LRP1B: variants seen among roughly 807,000 people sequenced by gnomAD.
LRP1B encodes LDL receptor related protein 1B.
In LRP1B, 217 loss-of-function variants were observed where a neutral mutation model predicts 556.6. That is an observed-to-expected ratio of 0.39 (90% CI 0.35 to 0.44). LRP1B has a LOEUF of 0.44. Among genes scored for constraint, LRP1B ranks in the 20% least tolerant of loss-of-function variants. The pLI, the probability that LRP1B is intolerant of heterozygous loss-of-function variation, is 1.00. For synonymous variants in LRP1B, 2,047 were observed against 1,865.8 expected, an observed-to-expected ratio of 1.10 and a Z score of -2.50; for missense variants, 5,053 against 5,620.8, an observed-to-expected ratio of 0.90 and a Z score of 3.23.
At chr2:140,375,219 TAC>T (rs1271550482) in intron 68 of LRP1B, among the ~76,000 whole-genome samples, 1 of 151,180 alleles carries the variant, frequency 6.6e-6, no homozygotes, top group Non-Finnish European at 1.5e-5. Context: ...TTTAATCCCT[TAC>T]AGTCGTTTTT....
At chr2:141,626,141 A>G (rs1688694550) in intron 2 of LRP1B, among the ~76,000 whole-genome samples, 1 of 152,186 alleles carries the variant, frequency 6.6e-6, no homozygotes, top group African/African-American at 2.4e-5. Context: ...ATTATAAGAG[A>G]TCCCAGAAGT....
intron 19 of LRP1B, among the ~76,000 whole-genome samples, chr2:140,951,192 C>A (rs955381547): frequency 4.6e-5 from 7 of 152,124 alleles, no homozygotes; most frequent in African/African-American, 1.7e-4. Flanking sequence ...TCCCCATTCT[C>A]CAACATGAGA....
intron 20 of LRP1B, among the ~76,000 whole-genome samples, chr2:140,943,925 G>A (rs1408440861): frequency 1.3e-5 from 2 of 151,940 alleles, no homozygotes; most frequent in East Asian, 3.9e-4. Context: ...AAAAATCAGA[G>A]CAGAACTAAA....
chr2:140,734,227 G>A (rs1687872792), intron 35 of LRP1B, among the ~76,000 whole-genome samples: 3 of 152,116 alleles, frequency 2.0e-5, no homozygotes, highest in African/African-American at 7.2e-5. Flanking sequence ...AAGAAGAAAT[G>A]CACATGAATA....
chr2:141,517,920 C>A (rs1026978852), intron 2 of LRP1B, among the ~76,000 whole-genome samples: 35 of 152,052 alleles, frequency 2.3e-4, no homozygotes, highest in Non-Finnish European at 5.9e-5. Flanking sequence ...GGTAAAAATT[C>A]TTTTTGATGG....
chr2:141,060,889 T>C lies in LRP1B; in HGVS notation c.1236+1162A>G, dbSNP rs142637341. The stretch of plus-strand genomic sequence containing the variant: ...TATTTAGTGGCAGACTTAGCATATG[T>C]TTAAGGAACAAGCAAAATACAGGCA... On this transcript the variant is annotated intron_variant, in intron 8 of 90. Coordinates refer to ENST00000389484, the MANE Select transcript of LRP1B (RefSeq NM_018557.3). 2.2e-3 allele frequency among the ~76,000 whole-genome samples: 328 copies of C among 151,746 alleles called. 1 individual carries two copies. Among genetic ancestry groups the C allele is most frequent in the African/African-American group, 7.2e-3 (300 of 41,472 alleles).
intron 2 of LRP1B, among the ~76,000 whole-genome samples, chr2:141,698,753 T>C (rs553472727): frequency 1.3e-5 from 2 of 151,724 alleles, no homozygotes; most frequent in African/African-American, 4.8e-5. Context: ...AAAAAGAGCT[T>C]AGGGCATTAA....
intron 17 of LRP1B, among the ~76,000 whole-genome samples, chr2:140,988,327 A>G (rs1448449551): frequency 1.3e-5 from 2 of 152,068 alleles, no homozygotes; most frequent in African/African-American, 4.8e-5. Context: ...TATGAGACAA[A>G]AAGATCTTGC....
rs184452517 is a variant in LRP1B at position 141,445,430 on chromosome 2, T to G, written c.343+34966A>C. 4.0e-3 allele frequency among the ~76,000 whole-genome samples: 608 copies of G among 152,360 alleles called. 6 individuals are homozygous for G. The highest frequency in any genetic ancestry group is 0.014 in the African/African-American group (586 of 41,586). ...TTTGTGTCTCTATCTCCTTCAGTTC[T>G]GCTCTGATCTTAGTTATTTCTTGTC... On this transcript the variant is annotated intron_variant, in intron 3 of 90. Coordinates refer to ENST00000389484, the MANE Select transcript of LRP1B (RefSeq NM_018557.3).
In LRP1B at chr2:140,989,532, C is replaced by T. The variant is rs781511939; in HGVS notation, c.2770G>A (p.Ala924Thr). The T allele has an allele frequency of 6.2e-7, 1 of 1,612,766 alleles. No homozygotes were observed. The highest frequency in any genetic ancestry group is 8.5e-7 in the Non-Finnish European group (1 of 1,179,166). Residue 924 changes from alanine to threonine, a missense_variant and splice_region_variant, in exon 17 of 91, where the codon GCC becomes ACC. Ala to Thr is a moderately conservative substitution (Grantham distance 58). This residue lies in a region of LRP1B where 3,619 missense variants were observed against 3,931.9 expected (regional missense o/e 0.92). Coordinates refer to ENST00000389484, the MANE Select transcript of LRP1B (RefSeq NM_018557.3). ...CGTGTATATCCAAGCAAACCTTTAC[C>T]TGTGCAAGTTTGATTGGATTCATCT... is the stretch of plus-strand genomic sequence containing the variant. ...NEDESNQTCTARTCQVDQFSC... is the reference protein window; with the variant it reads ...NEDESNQTCTTRTCQVDQFSC...
chr2:141,547,611 G>A (rs1434992051), intron 2 of LRP1B, among the ~76,000 whole-genome samples: 2 of 151,998 alleles, frequency 1.3e-5, no homozygotes, highest in Non-Finnish European at 2.9e-5. Flanking sequence ...AAAAACTACT[G>A]AGCATTTTTC....
intron 41 of LRP1B, among the ~76,000 whole-genome samples, chr2:140,670,025 G>A (rs1233440484): frequency 6.6e-6 from 1 of 151,996 alleles, no homozygotes; most frequent in African/African-American, 2.4e-5. Flanking sequence ...CTAAATTTGG[G>A]TCTGGACTCA....
chr2:140,611,028 GTTA>G (rs1286106265), intron 41 of LRP1B, among the ~76,000 whole-genome samples: 1 of 152,172 alleles, frequency 6.6e-6, no homozygotes, highest in East Asian at 1.9e-4. Context: ...CAGCATTGTT[GTTA>G]TTATTATTAC....
At chr2:141,632,425 G>T (rs929528834) in intron 2 of LRP1B, among the ~76,000 whole-genome samples, 11 of 152,092 alleles carry the variant, frequency 7.2e-5, no homozygotes, top group African/African-American at 2.4e-4. Context: ...TAATCTGTCA[G>T]TGAAGTATTA....
intron 2 of LRP1B, among the ~76,000 whole-genome samples, chr2:141,746,800 T>G (rs1157224823): frequency 6.6e-6 from 1 of 152,152 alleles, no homozygotes; most frequent in Non-Finnish European, 1.5e-5. Flanking sequence ...TAAGATTAAA[T>G]GTCATATTAA....
intron 7 of LRP1B, among the ~76,000 whole-genome samples, chr2:141,147,747 A>C (rs1701821592): frequency 6.6e-6 from 1 of 152,184 alleles, no homozygotes; most frequent in Non-Finnish European, 1.5e-5. Context: ...CAAATGAGCA[A>C]ATGGAGATAA....
intron 2 of LRP1B, among the ~76,000 whole-genome samples, chr2:141,757,899 C>T (rs145907706): frequency 4.0e-3 from 315 of 78,194 alleles, no homozygotes; most frequent in African/African-American, 0.014. Context: ...ATTAATTCAG[C>T]GTTTTTCCAG....
intron 3 of LRP1B, among the ~76,000 whole-genome samples, chr2:141,302,133 C>T (rs1170210643): frequency 6.6e-6 from 1 of 152,192 alleles, no homozygotes; most frequent in East Asian, 1.9e-4. Context: ...GGAAAATTAA[C>T]TGTAGCATTC....
At position 140,485,438 on chromosome 2, in the gene LRP1B, G is replaced by A. The variant is rs1688425606; in HGVS notation, c.9330C>T (p.Ile3110=). Residue 3110 remains isoleucine (I), a synonymous_variant, in exon 59 of 91, where the codon ATC becomes ATT. Coordinates refer to ENST00000389484, the MANE Select transcript of LRP1B (RefSeq NM_018557.3). ...AGCCATTGAGTTTGGATACTTCAAT[G>A]ATTCTTTTTTCTGTGTCAGACCAAT... The part of the protein sequence containing the change: ...NLYWSDTEKR[I]IEVSKLNGLY... 1.2e-6 allele frequency: 2 copies of A among 1,613,700 alleles called. No homozygotes were observed. Among genetic ancestry groups the A allele is most frequent in the Admixed American group, 1.7e-5 (1 of 59,970 alleles).
Sources: gnomAD v4.1 joint callset for allele counts (sites outside exome capture counted in the v4.1 genomes callset) on GRCh38, gnomAD v4.1.1 for gene constraint, gnomAD v4.1.1 regional missense constraint, MANE v1.5 for transcripts, NCBI Gene and HGNC (gene_info 2026-07-23, HGNC 2026-07-21) for gene names.